DCBLD2: variants seen among roughly 807,000 people sequenced by gnomAD.
DCBLD2 encodes the protein discoidin, CUB and LCCL domain containing 2.
A neutral mutation model predicts 86.8 loss-of-function variants in DCBLD2; 54 were observed. That is an observed-to-expected ratio of 0.62 (90% CI 0.50 to 0.78). The LOEUF (loss-of-function observed/expected upper bound fraction) is 0.78, where lower values mean the gene tolerates loss of function less well. Among genes scored for constraint, DCBLD2 ranks in the 30% least tolerant of loss-of-function variants. The probability of loss-of-function intolerance (pLI) is 0.00; values close to 1 mark genes in which losing one functional copy is unlikely to be tolerated. For synonymous variants in DCBLD2, 354 were observed against 341.3 expected, an observed-to-expected ratio of 1.04 and a Z score of -0.41; for missense variants, 908 against 954.2, an observed-to-expected ratio of 0.95 and a Z score of 0.64.
chr3:98,851,491 T>C (rs975356889), intron 2 of DCBLD2, among the ~76,000 whole-genome samples: 1 of 152,098 alleles, frequency 6.6e-6, no homozygotes, highest in Non-Finnish European at 1.5e-5. Context: ...AGAATCAATA[T>C]CAGGAAAATG....
At chr3:98,849,084 G>A (rs1373018312) in intron 3 of DCBLD2, among the ~76,000 whole-genome samples, 1 of 151,742 alleles carries the variant, frequency 6.6e-6, no homozygotes, top group Admixed American at 6.6e-5. Flanking sequence ...CAGGAGAATT[G>A]CTTGAACCCG....
chr3:98,851,685 A>G (rs1264573995), intron 2 of DCBLD2, among the ~76,000 whole-genome samples: 1 of 152,240 alleles, frequency 6.6e-6, no homozygotes, highest in Admixed American at 6.5e-5. Flanking sequence ...TTCAAACTAT[A>G]CAAGGCTACA....
chr3:98,811,560 A>G lies in DCBLD2; in HGVS notation c.1364-6T>C. 6.4e-7 allele frequency: 1 copy of G among 1,558,258 alleles called. No individual in the cohort carries two copies. Among genetic ancestry groups the G allele is most frequent in the Non-Finnish European group, 8.6e-7 (1 of 1,157,474 alleles). On this transcript the variant is annotated splice_polypyrimidine_tract_variant and splice_region_variant and intron_variant, in intron 10 of 15. Coordinates refer to ENST00000326840, the MANE Select transcript of DCBLD2 (RefSeq NM_080927.4). Reference sequence around the variant, plus strand: ...AGTAAGTTTTGGAGGACGACCTTGAAAAATGGTTTAGAAAAATTTAAACAT... The same window carrying G: ...AGTAAGTTTTGGAGGACGACCTTGAGAAATGGTTTAGAAAAATTTAAACAT...
intron 3 of DCBLD2, among the ~76,000 whole-genome samples, chr3:98,835,723 T>C (rs892269907): frequency 3.3e-5 from 5 of 149,978 alleles, no homozygotes; most frequent in Non-Finnish European, 7.4e-5. Flanking sequence ...CTAATTTTTG[T>C]ATTTTTAGTA....
At chr3:98,855,669 T>C (rs1942920437) in intron 2 of DCBLD2, among the ~76,000 whole-genome samples, 1 of 152,230 alleles carries the variant, frequency 6.6e-6, no homozygotes, top group African/African-American at 2.4e-5. Flanking sequence ...CAAAAGAGCA[T>C]ATAGGTTTTT....
At chr3:98,860,008 C>A (rs1291692175) in intron 2 of DCBLD2, among the ~76,000 whole-genome samples, 5 of 152,136 alleles carry the variant, frequency 3.3e-5, no homozygotes, top group South Asian at 4.1e-4. Context: ...ACTAGAATAA[C>A]CAGTGTAGAG....
At chr3:98,807,361 G>A (rs1251478136) in intron 13 of DCBLD2, among the ~76,000 whole-genome samples, 2 of 152,152 alleles carry the variant, frequency 1.3e-5, no homozygotes, top group Non-Finnish European at 2.9e-5. Context: ...ATTAGGTCAT[G>A]AAGGCAGAGT....
intron 13 of DCBLD2, among the ~76,000 whole-genome samples, chr3:98,805,594 C>T (rs555057609): frequency 6.6e-6 from 1 of 152,272 alleles, no homozygotes; most frequent in East Asian, 1.9e-4. Context: ...TCCCTATTTT[C>T]CACAGCATAT....
intron 2 of DCBLD2, among the ~76,000 whole-genome samples, chr3:98,875,528 T>C (rs539933879): frequency 1.3e-5 from 2 of 152,320 alleles, no homozygotes; most frequent in African/African-American, 4.8e-5. Flanking sequence ...ACGAGCTTTT[T>C]TGTGGAGTTA....
intron 9 of DCBLD2, chr3:98,813,102 T>G (rs897672632): frequency 6.6e-6 from 1 of 152,244 alleles, no homozygotes; most frequent in African/African-American, 2.4e-5. Context: ...AATTATTAAT[T>G]ATTTTTAGAG....
At chr3:98,900,372 T>C (rs1003758535) in intron 1 of DCBLD2, among the ~76,000 whole-genome samples, 20 of 152,104 alleles carry the variant, frequency 1.3e-4, no homozygotes, top group African/African-American at 4.8e-4. Flanking sequence ...AAAACAGTAC[T>C]AAAGGGGAAA....
intron 2 of DCBLD2, among the ~76,000 whole-genome samples, chr3:98,878,253 C>T (rs1943403369): frequency 6.6e-6 from 1 of 152,048 alleles, no homozygotes; most frequent in Admixed American, 6.6e-5. Flanking sequence ...GTTAATAGCA[C>T]CAGAAATGGG....
At chr3:98,871,957 A>G (rs898582584) in intron 2 of DCBLD2, among the ~76,000 whole-genome samples, 15 of 152,010 alleles carry the variant, frequency 9.9e-5, no homozygotes, top group African/African-American at 3.4e-4. Context: ...TTACTGATTC[A>G]ATCTCACTAC....
At chr3:98,849,232 T>C (rs1389077621) in intron 3 of DCBLD2, among the ~76,000 whole-genome samples, 1 of 152,134 alleles carries the variant, frequency 6.6e-6, no homozygotes, top group African/African-American at 2.4e-5. Context: ...AAAATCAGCA[T>C]TTCAGCAGTA....
intron 1 of DCBLD2, among the ~76,000 whole-genome samples, chr3:98,883,418 T>A (rs1943507189): frequency 6.6e-6 from 1 of 152,168 alleles, no homozygotes; most frequent in Non-Finnish European, 1.5e-5. Flanking sequence ...AGAAGTAAAA[T>A]TAAAGATTTG....
chr3:98,817,260 T>C (rs1942038973), intron 9 of DCBLD2, among the ~76,000 whole-genome samples: 1 of 152,224 alleles, frequency 6.6e-6, no homozygotes, highest in Non-Finnish European at 1.5e-5. Context: ...AATTAGATGC[T>C]AGAGCAATTC....
At chr3:98,804,650 A>C (rs1273925114) in intron 13 of DCBLD2, among the ~76,000 whole-genome samples, 1 of 152,146 alleles carries the variant, frequency 6.6e-6, no homozygotes, top group Non-Finnish European at 1.5e-5. Flanking sequence ...TGTCAATTTT[A>C]GAACTTTCCT....
At chr3:98,835,448 T>C in intron 3 of DCBLD2, among the ~76,000 whole-genome samples, 1 of 132,092 alleles carries the variant, frequency 7.6e-6, no homozygotes, top group Non-Finnish European at 1.6e-5. Flanking sequence ...ATAACTATTT[T>C]CTTGCCATTT....
At chr3:98,883,972 T>C (rs766187784) in intron 1 of DCBLD2, among the ~76,000 whole-genome samples, 1 of 152,148 alleles carries the variant, frequency 6.6e-6, no homozygotes, top group Non-Finnish European at 1.5e-5. Flanking sequence ...GCTAAATAAA[T>C]GTTTATTAAT....
Sources: gnomAD v4.1 joint callset for allele counts (sites outside exome capture counted in the v4.1 genomes callset) on GRCh38, gnomAD v4.1.1 for gene constraint, MANE v1.5 for transcripts, NCBI Gene and HGNC (gene_info 2026-07-23, HGNC 2026-07-21) for gene names.